Variants in ABI3BP observed in about 807,000 individuals in gnomAD.
The protein encoded by ABI3BP is ABI family member 3 binding protein.
In ABI3BP, 216 loss-of-function variants were observed where a neutral mutation model predicts 268.6. The observed-to-expected ratio is 0.80, with a 90% CI of 0.72 to 0.90. The LOEUF is 0.90. ABI3BP is among the 40% of genes least tolerant of loss of function. The pLI, the probability that ABI3BP is intolerant of heterozygous loss-of-function variation, is 0.00. For missense variants in ABI3BP, 2,090 were observed against 2,182.4 expected (o/e 0.96, Z 0.84); for synonymous variants, 730 against 730.0 (o/e 1.00, Z 0.00).
intron 1 of ABI3BP, among the ~76,000 whole-genome samples, chr3:100,988,628 A>G (rs971375889): frequency 2.6e-5 from 4 of 151,864 alleles, no homozygotes; most frequent in Admixed American, 6.6e-5. Flanking sequence ...TTTTTTCTCA[A>G]AATGCTTTGT....
chr3:100,858,415 A>G (rs2098962050), intron 14 of ABI3BP, among the ~76,000 whole-genome samples: 1 of 152,196 alleles, frequency 6.6e-6, no homozygotes, highest in African/African-American at 2.4e-5. Flanking sequence ...GGATATTCCA[A>G]ATTTCAAATA....
intron 42 of ABI3BP, among the ~76,000 whole-genome samples, chr3:100,817,074 C>A (rs751437486): frequency 2.3e-4 from 35 of 152,202 alleles, no homozygotes; most frequent in Non-Finnish European, 4.1e-4. Flanking sequence ...ATCCATGATA[C>A]CATAAGAACT....
chr3:100,759,840 T>G (rs1442673411), intron 63 of ABI3BP, among the ~76,000 whole-genome samples: 2 of 152,232 alleles, frequency 1.3e-5, no homozygotes, highest in East Asian at 3.9e-4. Flanking sequence ...ACAAACTAAA[T>G]AAAATGCCTG....
At position 100,749,610 on chromosome 3, in the gene ABI3BP, G is replaced by C. The variant is rs1039712633; in HGVS notation, c.*885C>G. On this transcript the variant is annotated 3_prime_UTR_variant, in exon 68 of 68. Transcript: ENST00000471714. ...TACATTCATTCATAGAGGTCTTAAC[G>C]TATAAATACATAGTAAATATCCTAT... 5.0e-6 allele frequency: 2 copies of C among 397,846 alleles called. No individual in the cohort carries two copies. The allele number at this position is 397,846 out of a possible 1,614,324, so 24.6% of individuals were successfully genotyped here.
chr3:100,920,480 T>C (rs1025301342), intron 2 of ABI3BP, among the ~76,000 whole-genome samples: 7 of 152,078 alleles, frequency 4.6e-5, no homozygotes, highest in African/African-American at 9.7e-5. Flanking sequence ...CTGGAGTGCA[T>C]TGGCGTGATC....
At chr3:100,975,298 A>G (rs749398593) in intron 1 of ABI3BP, among the ~76,000 whole-genome samples, 5 of 152,188 alleles carry the variant, frequency 3.3e-5, no homozygotes, top group Admixed American at 6.5e-5. Context: ...AGTAAACAAG[A>G]TAACAAAATT....
intron 3 of ABI3BP, among the ~76,000 whole-genome samples, chr3:100,899,691 A>G (rs1166804730): frequency 4.6e-5 from 7 of 152,360 alleles, no homozygotes; most frequent in African/African-American, 2.4e-5. Flanking sequence ...ATGAAAACCA[A>G]TGCTGACTCA....
rs538102765 is a variant in ABI3BP, at chr3:100,940,415, G to A, written c.80-13934C>T. 1.2e-4 allele frequency among the ~76,000 whole-genome samples: 19 copies of A among 152,006 alleles called. No individual in the cohort carries two copies. The South Asian group carries it at 2.5e-3, about 20-fold the overall frequency. On this transcript the variant is annotated intron_variant, in intron 1 of 67. Coordinates refer to ENST00000471714, the MANE Select transcript of ABI3BP (RefSeq NM_001375547.2). ...TGCCATGACTTCAGCCGGTCCCTCC[G>A]TTTGGGATCCCTGACTTCCCGCAAC...
intron 27 of ABI3BP, 103 bp downstream of exon 27, chr3:100,837,020 CA>C (rs750436539): frequency 5.1e-5 from 59 of 1,155,338 alleles, no homozygotes; most frequent in Non-Finnish European, 6.8e-5. Context: ...AAAATGAAAA[CA>C]AAAATGGTGA....
intron 4 of ABI3BP, among the ~76,000 whole-genome samples, chr3:100,894,126 C>A (rs1394044546): frequency 3.9e-5 from 6 of 151,966 alleles, no homozygotes; most frequent in African/African-American, 1.5e-4. Context: ...GGAGAAGACA[C>A]AGATGCAGAT....
intron 2 of ABI3BP, among the ~76,000 whole-genome samples, chr3:100,905,642 G>A (rs556974940): frequency 3.4e-4 from 52 of 152,118 alleles, no homozygotes; most frequent in African/African-American, 1.2e-3. Context: ...TTAGTTTTGT[G>A]CAGCATTTCC....
chr3:100,761,187 G>A (rs550367694), intron 63 of ABI3BP, among the ~76,000 whole-genome samples: 1 of 152,320 alleles, frequency 6.6e-6, no homozygotes, highest in African/African-American at 2.4e-5. Flanking sequence ...AAATACTGGG[G>A]AGGGTAGATG....
intron 1 of ABI3BP, among the ~76,000 whole-genome samples, chr3:100,972,439 G>T (rs772568943): frequency 3.9e-5 from 6 of 152,062 alleles, no homozygotes; most frequent in African/African-American, 1.4e-4. Flanking sequence ...AAACAACCAG[G>T]TTCCAACAAG....
At chr3:100,785,431 A>G (rs2097004208) in intron 57 of ABI3BP, among the ~76,000 whole-genome samples, 2 of 152,132 alleles carry the variant, frequency 1.3e-5, no homozygotes, top group Non-Finnish European at 2.9e-5. Context: ...GAGAGGAGAG[A>G]TTTTTAAACA....
intron 42 of ABI3BP, 101 bp from the exon 43 acceptor site, chr3:100,816,869 T>C: frequency 1.3e-6 from 1 of 757,482 alleles, no homozygotes; most frequent in Admixed American, 2.8e-5. Flanking sequence ...TTAAGTCATA[T>C]GTCTTTTAAG....
chr3:100,991,751 T>A (rs1205693946), intron 1 of ABI3BP, among the ~76,000 whole-genome samples: 3 of 152,178 alleles, frequency 2.0e-5, no homozygotes, highest in African/African-American at 7.2e-5. Context: ...CAACAAAAGT[T>A]TTGTGGCCAT....
chr3:100,969,238 A>C (rs13088524), intron 1 of ABI3BP, among the ~76,000 whole-genome samples: 15,720 of 152,256 alleles, frequency 0.1, 1,099 homozygotes, highest in Non-Finnish European at 0.15. Context: ...ACAGCATCCC[A>C]AATTTTAGAG....
intron 21 of ABI3BP, 117 bp downstream of exon 21, chr3:100,841,881 G>A: frequency 1.1e-6 from 1 of 884,956 alleles, no homozygotes; most frequent in Non-Finnish European, 1.7e-6. Context: ...AAAAACGAGA[G>A]TGAAACTTCA....
chr3:100,788,297 G>C (rs560287245), intron 56 of ABI3BP, among the ~76,000 whole-genome samples: 1 of 152,108 alleles, frequency 6.6e-6, no homozygotes, highest in South Asian at 2.1e-4. Context: ...CACAGAACTT[G>C]ATGAAACCAT....
Sources: allele counts gnomAD v4.1 joint callset (sites outside exome capture counted in the v4.1 genomes callset), GRCh38; gene constraint gnomAD v4.1.1; transcripts MANE v1.5; gene names NCBI Gene and HGNC (gene_info 2026-07-23, HGNC 2026-07-21).